PRDX6: variants seen among roughly 807,000 people sequenced by gnomAD.
PRDX6 encodes peroxiredoxin 6, also known as peroxiredoxin-6.
In PRDX6, 13 loss-of-function variants were observed where a neutral mutation model predicts 20.0. The observed-to-expected ratio is 0.65, with a 90% CI of 0.42 to 1.03. The LOEUF is 1.03. Among genes scored for constraint, PRDX6 ranks in the 50% least tolerant of loss-of-function variants. The probability of loss-of-function intolerance (pLI) is 0.00; values close to 1 mark genes in which losing one functional copy is unlikely to be tolerated. For synonymous variants in PRDX6, 85 were observed against 100.8 expected (o/e 0.84, Z 0.94); for missense variants, 203 against 276.9 (o/e 0.73, Z 1.89).
chr1:173,479,599 T>C (rs1557996100), intron 1 of PRDX6, among the ~76,000 whole-genome samples: 1 of 152,210 alleles, frequency 6.6e-6, no homozygotes, highest in African/African-American at 2.4e-5. Flanking sequence ...AAGCAAAATA[T>C]GTGTTTTCCA....
Position 173,481,420 on chromosome 1 carries a change from A to G in PRDX6, c.190A>G (p.Arg64Gly), listed in dbSNP as rs1658799426. 1 of 1,614,116 alleles carries G rather than the reference A, an allele frequency of 6.2e-7. No homozygotes were observed. The highest frequency in any genetic ancestry group is 8.5e-7 in the Non-Finnish European group (1 of 1,179,970). Residue 64 changes from arginine (R) to glycine (G), a missense_variant, in exon 2 of 5, where the codon AGG (arginine) becomes GGG (glycine). By Grantham distance (125) the Arg-to-Gly change is moderately radical. Transcript: ENST00000340385. Reference protein sequence around the residue: ...AAKLAPEFAKRNVKLIALSID... With the variant: ...AAKLAPEFAKGNVKLIALSID... ...AAAGCTGGCACCAGAATTTGCCAAGAGGAATGTTAAGTTGATTGCCCTTTC... is the reference window on the plus strand; with the variant it reads ...AAAGCTGGCACCAGAATTTGCCAAGGGGAATGTTAAGTTGATTGCCCTTTC...
intron 3 of PRDX6, 45 bp from the exon 4 acceptor site, chr1:173,486,210 A>C: frequency 6.6e-7 from 1 of 1,505,034 alleles, no homozygotes; most frequent in Non-Finnish European, 8.9e-7. Flanking sequence ...GGCTTTAATA[A>C]CACTCAAAGA....
intron 2 of PRDX6, among the ~76,000 whole-genome samples, chr1:173,482,143 A>G (rs1382410324): frequency 6.6e-6 from 1 of 152,146 alleles, no homozygotes. Flanking sequence ...CACATCATAC[A>G]TCTGATTTAT....
rs1658712398 is a variant in PRDX6, at chr1:173,477,409, T to C, written c.12T>C (p.Gly4=). 6.2e-7 allele frequency: 1 copy of C among 1,607,336 alleles called. No individual in the cohort carries two copies. Residue 4 remains glycine (G), a synonymous_variant, in exon 1 of 5, where the codon GGT becomes GGC. Transcript: ENST00000340385. MPG[G]LLLGDVAPNF... is the part of the protein sequence containing the mutation. ...TCATCACCGTCGCCATGCCCGGAGG[T>C]CTGCTTCTCGGGGACGTGGCTCCCA... is the stretch of plus-strand genomic sequence containing the variant.
chr1:173,486,233 T>C, intron 3 of PRDX6, 22 bp from the exon 4 acceptor site: 8 of 1,564,950 alleles, frequency 5.1e-6, no homozygotes, highest in South Asian at 1.2e-5. Context: ...TCTTCCTATT[T>C]ATGCCCCTCT....
intron 2 of PRDX6, among the ~76,000 whole-genome samples, chr1:173,484,362 T>C (rs1345382779): frequency 6.6e-6 from 1 of 151,764 alleles, no homozygotes; most frequent in Non-Finnish European, 1.5e-5. Context: ...TCTTGAAGCC[T>C]TTTGTAACTT....
In PRDX6 at chr1:173,487,729, C is replaced by T. The variant is rs1658923533; in HGVS notation, c.547-6C>T. 6.2e-7 allele frequency: 1 copy of T among 1,613,634 alleles called. No homozygotes were observed. Among genetic ancestry groups the T allele is most frequent in the African/African-American group, 1.3e-5 (1 of 74,898 alleles). On this transcript the variant is annotated splice_region_variant and splice_polypyrimidine_tract_variant and intron_variant, in intron 4 of 4. Transcript: ENST00000340385. Reference sequence around the variant, plus strand: ...GAATTTCACCATTCTCAATGTCTTTCAATAGGATGGGGATAGTGTGATGGT... The same window carrying T: ...GAATTTCACCATTCTCAATGTCTTTTAATAGGATGGGGATAGTGTGATGGT...
intron 1 of PRDX6, among the ~76,000 whole-genome samples, chr1:173,477,860 TA>T (rs1165057832): frequency 6.6e-6 from 1 of 152,186 alleles, no homozygotes; most frequent in Non-Finnish European, 1.5e-5. Context: ...CTCGTCTTAG[TA>T]AACTGTGCAG....
chr1:173,484,168 TTATA>T (rs1225304174), intron 2 of PRDX6, among the ~76,000 whole-genome samples: 1 of 81,430 alleles, frequency 1.2e-5, no homozygotes, highest in Non-Finnish European at 2.3e-5. Context: ...ATATATATAT[TTATA>T]TATATACACA....
chr1:173,488,105 G>T lies in PRDX6; in HGVS notation c.*242G>T, dbSNP rs555997943. ...GCTGGTTCTGTTTGAAATATGTTCT[G>T]TATTTAAAACTCAAATCTTGTTGGA... On this transcript the variant is annotated 3_prime_UTR_variant, in exon 5 of 5. Transcript: ENST00000340385. 33 of 455,504 alleles carry T rather than the reference G, an allele frequency of 7.2e-5. No individual in the cohort carries two copies. In the East Asian group the frequency reaches 1.2e-3, roughly 16 times the overall value. The allele number at this position is 455,504 out of a possible 1,614,324, so 28.2% of individuals were successfully genotyped here. A position where few individuals can be genotyped will look rare whatever the true frequency, so the allele number is the denominator to read the frequency against.
At chr1:173,484,102 G>A (rs1368866125) in intron 2 of PRDX6, among the ~76,000 whole-genome samples, 1 of 116,978 alleles carries the variant, frequency 8.5e-6, no homozygotes, top group Non-Finnish European at 1.6e-5. Flanking sequence ...CTGGGCGACA[G>A]CAAGACTCTG....
At position 173,481,124 on chromosome 1, in the gene PRDX6, A is replaced by T. The variant is rs1658793436; in HGVS notation, c.96-202A>T. 22 of 540,030 alleles carry T rather than the reference A, an allele frequency of 4.1e-5. 1 individual carries two copies. The South Asian group carries it at 5.7e-4, about 14-fold the overall frequency. The allele number at this position is 540,030 out of a possible 1,614,324, so 33.5% of individuals were successfully genotyped here. On this transcript the variant is annotated intron_variant, in intron 1 of 4. Coordinates refer to ENST00000340385, the MANE Select transcript of PRDX6 (RefSeq NM_004905.3). Reference sequence around the variant, plus strand: ...TCTTGAATTTCATGTCTTTGATTGAATTGGGCTATAAGCATAGGCTTCTCT... The same window carrying T: ...TCTTGAATTTCATGTCTTTGATTGATTTGGGCTATAAGCATAGGCTTCTCT...
intron 1 of PRDX6, 184 bp from the exon 2 acceptor site, chr1:173,481,142 G>A (rs1232054339): frequency 1.7e-6 from 1 of 594,016 alleles, no homozygotes; most frequent in Non-Finnish European, 2.9e-6. Context: ...ATAAGCATAG[G>A]CTTCTCTGGA....
chr1:173,484,138 TTAGATATATATATTTA>T lies in PRDX6; in HGVS notation c.253-1220_253-1205del, dbSNP rs1417227433. On this transcript the variant is annotated intron_variant, in intron 2 of 4. Coordinates refer to ENST00000340385, the MANE Select transcript of PRDX6 (RefSeq NM_004905.3). Reference sequence around the variant, plus strand: ...TCTCAAAAAAAAAAAAAAAAAAAAATTAGATATATATATTTATATATATATATATTTATATATATAC... The same window carrying T: ...TCTCAAAAAAAAAAAAAAAAAAAAATTATATATATATATTTATATATATAC... Among the ~76,000 whole-genome samples the T allele has an allele frequency of 7.8e-4, 68 of 86,870 alleles. 1 individual carries two copies. The highest frequency in any genetic ancestry group is 1.0e-3 in the Admixed American group (9 of 8,774). 57.0% of individuals were successfully genotyped at this position (86,870 alleles called of 152,430 possible).
At chr1:173,481,797 C>A (rs1044778656) in intron 2 of PRDX6, 3 of 282,708 alleles carry the variant, frequency 1.1e-5, no homozygotes, top group Non-Finnish European at 2.0e-5. Flanking sequence ...CTCCCAACTC[C>A]TAATTTATGC....
Position 173,487,740 on chromosome 1 carries a change from G to A in PRDX6, c.552G>A (p.Gly184=). The A allele has an allele frequency of 6.2e-7, 1 of 1,614,084 alleles. No individual in the cohort carries two copies. The highest frequency in any genetic ancestry group is 8.5e-7 in the Non-Finnish European group (1 of 1,179,974). The change falls in exon 5 of 5, where the codon GGG becomes GGA. Residue 184 remains glycine, a synonymous_variant. Coordinates refer to ENST00000340385, the MANE Select transcript of PRDX6 (RefSeq NM_004905.3). ...TTCTCAATGTCTTTCAATAGGATGG[G>A]GATAGTGTGATGGTCCTTCCAACCA... The part of the protein sequence containing the change: ...RVATPVDWKD[G]DSVMVLPTIP...
At chr1:173,487,413 G>T (rs896594449) in intron 4 of PRDX6, among the ~76,000 whole-genome samples, 4 of 152,164 alleles carry the variant, frequency 2.6e-5, no homozygotes, top group African/African-American at 9.7e-5. Flanking sequence ...GCAGAAGGTG[G>T]GGTGAGGGAC....
At chr1:173,478,403 C>T (rs1218087506) in intron 1 of PRDX6, among the ~76,000 whole-genome samples, 1 of 152,206 alleles carries the variant, frequency 6.6e-6, no homozygotes, top group Non-Finnish European at 1.5e-5. Context: ...GTCCCCTCCG[C>T]TTTCTACCTT....
intron 2 of PRDX6, chr1:173,481,933 A>G (rs1161707883): frequency 6.0e-6 from 1 of 165,826 alleles, no homozygotes; most frequent in Admixed American, 5.7e-5. Context: ...TTTCATCTCT[A>G]TGCCAGACTC....
Sources: gnomAD v4.1 joint callset for allele counts (sites outside exome capture counted in the v4.1 genomes callset) on GRCh38, gnomAD v4.1.1 for gene constraint, MANE v1.5 for transcripts, NCBI Gene and HGNC (gene_info 2026-07-23, HGNC 2026-07-21) for gene names.